Variants in TRIM35 observed in about 807,000 individuals in gnomAD.
TRIM35 encodes E3 ubiquitin-protein ligase TRIM35.
Under a neutral mutation model 49.1 loss-of-function variants are expected in TRIM35, and 37 were observed. The ratio of observed to expected loss-of-function variants is 0.75; its 90% CI spans 0.58 to 0.99. TRIM35 has a LOEUF of 0.99. Ranked by LOEUF, TRIM35 falls within the 50% of genes least tolerant of loss-of-function variation. The probability of loss-of-function intolerance (pLI) is 0.00; values close to 1 mark genes in which losing one functional copy is unlikely to be tolerated. For synonymous variants in TRIM35, 302 were observed against 289.3 expected, an observed-to-expected ratio of 1.04 and a Z score of -0.45; for missense variants, 648 against 702.7, an observed-to-expected ratio of 0.92 and a Z score of 0.88.
intron 3 of TRIM35, among the ~76,000 whole-genome samples, chr8:27,290,884 G>A (rs1040913888): frequency 5.3e-5 from 8 of 152,022 alleles, no homozygotes; most frequent in Non-Finnish European, 8.8e-5. Flanking sequence ...CAGTAATCAA[G>A]ATAGTATGGT....
Position 27,287,977 on chromosome 8 carries a change from G to A in TRIM35, c.1055C>T (p.Ser352Leu). 6.2e-7 allele frequency: 1 copy of A among 1,613,488 alleles called. No homozygotes were observed. The highest frequency in any genetic ancestry group is 8.5e-7 in the Non-Finnish European group (1 of 1,179,966). ...CACCTCCCAGGCGTGCGAGCCCTGT[G>A]AGAAGACACGGGAGCCCAGCAGGCA... Reference protein sequence around the residue: ...APCLLGSRVFSQGSHAWEVAL... With the variant: ...APCLLGSRVFLQGSHAWEVAL... Residue 352 changes from serine (S) to leucine (L), a missense_variant, in exon 6 of 6, where the codon TCA (serine) becomes TTA (leucine). Ser to Leu is a moderately radical substitution (Grantham distance 145, BLOSUM62 -2). Coordinates refer to ENST00000305364, the MANE Select transcript of TRIM35 (RefSeq NM_171982.5). This position sits in a 1 kb window ranked among gnomAD's most constrained non-coding sequence, Gnocchi z 6.0.
chr8:27,286,565 G>A lies in TRIM35; in HGVS notation c.*985C>T. ...GGGAAACAGGCCTGGCAAGGAAATAGGCCGAAATCACGATTTAAAAAATGT... is the reference window on the plus strand; with the variant it reads ...GGGAAACAGGCCTGGCAAGGAAATAAGCCGAAATCACGATTTAAAAAATGT... On this transcript the variant is annotated 3_prime_UTR_variant, in exon 6 of 6. Transcript: ENST00000305364. 1 of 202,100 alleles carries A rather than the reference G, an allele frequency of 4.9e-6. No homozygotes were observed. Among genetic ancestry groups the A allele is most frequent in the Admixed American group, 5.4e-5 (1 of 18,358 alleles). The allele number at this position is 202,100 out of a possible 1,614,324, so 12.5% of individuals were successfully genotyped here. A position where few individuals can be genotyped will look rare whatever the true frequency, so the allele number is the denominator to read the frequency against.
At chr8:27,306,558 T>G (rs1171916066) in intron 1 of TRIM35, among the ~76,000 whole-genome samples, 1 of 152,046 alleles carries the variant, frequency 6.6e-6, no homozygotes, top group Admixed American at 6.5e-5. Flanking sequence ...ACTCCTGACC[T>G]CGTGATCTGC....
chr8:27,311,075 G>T lies in TRIM35; in HGVS notation c.161C>A (p.Ser54Ter). Residue 54 changes from serine (S) to a stop codon, truncating the protein, a stop_gained, in exon 1 of 6, where the codon TCG becomes TAG. Coordinates refer to ENST00000305364, the MANE Select transcript of TRIM35 (RefSeq NM_171982.5). LOFTEE classifies it high-confidence loss of function. ...GTCTTTGCACACTGGGCAGGTGGGC[G>T]ACACCTGCACCTCCCAGCAGCGGCT... is the stretch of plus-strand genomic sequence containing the variant. ...CVSRCWEVQV[S>*]PTCPVCKDRA... The T allele has an allele frequency of 6.3e-7, 1 of 1,596,492 alleles. No homozygotes were observed. The highest frequency in any genetic ancestry group is 8.5e-7 in the Non-Finnish European group (1 of 1,172,524).
chr8:27,293,724 C>T (rs1320676724), intron 3 of TRIM35, among the ~76,000 whole-genome samples: 3 of 151,848 alleles, frequency 2.0e-5, no homozygotes, highest in South Asian at 2.1e-4. Context: ...CATGGTGGCT[C>T]GTGCCTGTAG....
Position 27,294,097 on chromosome 8 carries a change from C to T in TRIM35, c.745G>A (p.Asp249Asn), listed in dbSNP as rs201505344. 1.2e-6 allele frequency: 2 copies of T among 1,614,082 alleles called. No individual in the cohort carries two copies. Among genetic ancestry groups the T allele is most frequent in the Non-Finnish European group, 1.7e-6 (2 of 1,180,016 alleles). ...CTCCTTACCATGAGAAAAGAAACGT[C>T]GTCCTCCTTCATCTCCATCTGCAGC... ...ERLQMEMKED[D>N]VSFLMKHKSR... is the part of the protein sequence containing the mutation. Residue 249 changes from aspartate (D) to asparagine (N), a missense_variant, in exon 3 of 6, where the codon GAC becomes AAC. Asp to Asn is a conservative substitution (Grantham distance 23). Coordinates refer to ENST00000305364, the MANE Select transcript of TRIM35 (RefSeq NM_171982.5).
rs529568706 is a variant in TRIM35 at position 27,296,205 on chromosome 8, A to G, written c.532-1895T>C. Among the ~76,000 whole-genome samples, 207 of 148,760 alleles carry G rather than the reference A, an allele frequency of 1.4e-3. 1 individual carries two copies. Among genetic ancestry groups the G allele is most frequent in the African/African-American group, 4.8e-3 (191 of 40,124 alleles). On this transcript the variant is annotated intron_variant, in intron 2 of 5. Coordinates refer to ENST00000305364, the MANE Select transcript of TRIM35 (RefSeq NM_171982.5). ...AAGTTCCAGGATACATGTGCAGGAC[A>G]TGCAGGTTTGTTACATAGGTAAATG...
chr8:27,308,434 G>A (rs1342857386), intron 1 of TRIM35, among the ~76,000 whole-genome samples: 3 of 152,096 alleles, frequency 2.0e-5, no homozygotes, highest in East Asian at 1.9e-4. Flanking sequence ...AAACTCCCCT[G>A]TTTAGAATCT....
At chr8:27,310,686 G>A in intron 1 of TRIM35, 115 bp downstream of exon 1, 3 of 1,236,202 alleles carry the variant, frequency 2.4e-6, no homozygotes, top group Non-Finnish European at 2.2e-6. Context: ...TGCATGCTGG[G>A]AGCGAGACGC....
At position 27,286,278 on chromosome 8, in the gene TRIM35, T is replaced by A. The variant is rs1156319231; in HGVS notation, c.*1272A>T. ...GCATGGTGGAGGAAGAAATTAGGGA[T>A]GAAATCGCAAGTGGCAGAGCAAGCA... On this transcript the variant is annotated 3_prime_UTR_variant, in exon 6 of 6. Coordinates refer to ENST00000305364, the MANE Select transcript of TRIM35 (RefSeq NM_171982.5). 2.3e-6 allele frequency: 1 copy of A among 427,862 alleles called. No homozygotes were observed. Among genetic ancestry groups the A allele is most frequent in the East Asian group, 7.1e-5 (1 of 14,176 alleles). 26.5% of individuals were successfully genotyped at this position (427,862 alleles called of 1,614,324 possible).
At chr8:27,296,791 T>G (rs145238618) in intron 2 of TRIM35, among the ~76,000 whole-genome samples, 145 of 152,328 alleles carry the variant, frequency 9.5e-4, no homozygotes, top group African/African-American at 3.1e-3. Context: ...TAATCGCTAT[T>G]TGGAGTTGGA....
rs971285205 is a variant in TRIM35 at position 27,286,642 on chromosome 8, G to T, written c.*908C>A. ...GTTCAGAGGAAATCGTGCAAGAATA[G>T]ATCAATCAGAGCTGATCTGATGGAG... On this transcript the variant is annotated 3_prime_UTR_variant, in exon 6 of 6. Coordinates refer to ENST00000305364, the MANE Select transcript of TRIM35 (RefSeq NM_171982.5). 2.9e-5 allele frequency: 5 copies of T among 175,334 alleles called. No homozygotes were observed. The highest frequency in any genetic ancestry group is 1.2e-4 in the African/African-American group (5 of 41,816). The allele number at this position is 175,334 out of a possible 1,614,324, so 10.9% of individuals were successfully genotyped here.
chr8:27,298,812 G>A (rs906886663), intron 1 of TRIM35, among the ~76,000 whole-genome samples: 1 of 152,196 alleles, frequency 6.6e-6, no homozygotes, highest in African/African-American at 2.4e-5. Flanking sequence ...CTGGGAGATG[G>A]GGCTGAGAAG....
chr8:27,293,632 G>T (rs1397475811), intron 3 of TRIM35, among the ~76,000 whole-genome samples: 2 of 151,860 alleles, frequency 1.3e-5, no homozygotes, highest in African/African-American at 4.8e-5. Flanking sequence ...TTGAGGCCAG[G>T]GATTCAAGAC....
At chr8:27,303,852 C>A (rs540780781) in intron 1 of TRIM35, among the ~76,000 whole-genome samples, 89 of 152,244 alleles carry the variant, frequency 5.8e-4, no homozygotes, top group African/African-American at 2.0e-3. Flanking sequence ...TGCCGCCATG[C>A]CCAACTAATT....
Position 27,294,131 on chromosome 8 carries a change from C to G in TRIM35, c.711G>C (p.Glu237Asp). ...TCATCTCCATCTGCAGCCGCTCGAT[C>G]TCATGTGCCAGCACCTCCGTCTCCT... ...LTEETEVLAH[E>D]IERLQMEMKE... Residue 237 changes from glutamate to aspartate, a missense_variant, in exon 3 of 6, where the codon GAG becomes GAC. Transcript: ENST00000305364. 6.2e-7 allele frequency: 1 copy of G among 1,614,234 alleles called. No individual in the cohort carries two copies. Among genetic ancestry groups the G allele is most frequent in the Non-Finnish European group, 8.5e-7 (1 of 1,180,040 alleles).
At position 27,287,445 on chromosome 8, in the gene TRIM35, G is replaced by C. The variant is rs1307036808; in HGVS notation, c.*105C>G. The C allele has an allele frequency of 1.1e-5, 13 of 1,215,730 alleles. No individual in the cohort carries two copies. In the South Asian group the frequency reaches 1.6e-4, roughly 15 times the overall value. 75.3% of individuals were successfully genotyped at this position (1,215,730 alleles called of 1,614,324 possible). On this transcript the variant is annotated 3_prime_UTR_variant, in exon 6 of 6. Transcript: ENST00000305364. The surrounding 1 kb of genome is among the most constrained non-coding windows in gnomAD (Gnocchi z 6.0). ...CCAGGCAGGACAGGAGGAAGAGCCT[G>C]GCAAGGAGGCAGGGGCGCAATAGTG...
chr8:27,293,206 C>T (rs990205224), intron 3 of TRIM35, among the ~76,000 whole-genome samples: 3 of 152,024 alleles, frequency 2.0e-5, no homozygotes, highest in African/African-American at 7.3e-5. Flanking sequence ...TACAGCGACA[C>T]CCCTTCCACA....
chr8:27,308,979 T>A (rs1032174398), intron 1 of TRIM35, among the ~76,000 whole-genome samples: 3 of 152,224 alleles, frequency 2.0e-5, no homozygotes, highest in Non-Finnish European at 4.4e-5. Flanking sequence ...GCTGCCTCTA[T>A]CTGAAATACC....
Sources: gnomAD v4.1 joint callset for allele counts (sites outside exome capture counted in the v4.1 genomes callset) on GRCh38, gnomAD v4.1.1 for gene constraint, Gnocchi (gnomAD v3.1) non-coding constraint, MANE v1.5 for transcripts, NCBI Gene and HGNC (gene_info 2026-07-23, HGNC 2026-07-21) for gene names.